Variants in SPATA32 observed in about 807,000 individuals in gnomAD.
SPATA32 encodes spermatogenesis-associated protein 32.
A neutral mutation model predicts 35.4 loss-of-function variants in SPATA32; 28 were observed. That is an observed-to-expected ratio of 0.79 (90% confidence interval 0.59 to 1.09). The LOEUF is 1.09. Among genes scored for constraint, SPATA32 ranks in the 50% least tolerant of loss-of-function variants. The pLI, the probability that SPATA32 is intolerant of heterozygous loss-of-function variation, is 0.00. For missense variants in SPATA32, 409 were observed against 475.9 expected, an observed-to-expected ratio of 0.86 and a Z score of 1.31; for synonymous variants, 168 against 196.3, an observed-to-expected ratio of 0.86 and a Z score of 1.20.
chr17:45,261,697 C>T (rs2044010451), intron 1 of SPATA32: 2 of 377,518 alleles, frequency 5.3e-6, no homozygotes, highest in Admixed American at 4.5e-5. Context: ...AAGGCCATTG[C>T]TCCTTCTGTG....
chr17:45,254,914 G>C, intron 4 of SPATA32: 1 of 619,888 alleles, frequency 1.6e-6, no homozygotes, highest in South Asian at 2.0e-5. Flanking sequence ...TCCAGCCCTC[G>C]CCTTGGCTCT....
chr17:45,260,795 G>A (rs1432934870), intron 1 of SPATA32: 3 of 152,100 alleles, frequency 2.0e-5, no homozygotes, highest in Admixed American at 1.3e-4. Context: ...ACTTGTCTCC[G>A]GTTACCCCCA....
rs2043955755 is a variant in SPATA32, at chr17:45,256,209, G to A, written c.109-136C>T. On this transcript the variant is annotated intron_variant, in intron 3 of 4. Transcript: ENST00000331780. The surrounding 1 kb of genome is among the most constrained non-coding windows in gnomAD (Gnocchi z 4.7). ...CCCCCCGCCCCCTAACCCCATGCCTGCCTCCTCTCAGAGACCTGCCCGGTG... is the reference window on the plus strand; with the variant it reads ...CCCCCCGCCCCCTAACCCCATGCCTACCTCCTCTCAGAGACCTGCCCGGTG... 2.3e-5 allele frequency: 29 copies of A among 1,243,016 alleles called. No homozygotes were observed. Among genetic ancestry groups the A allele is most frequent in the African/African-American group, 4.4e-5 (3 of 67,502 alleles). 77.0% of individuals were successfully genotyped at this position (1,243,016 alleles called of 1,614,324 possible).
At chr17:45,254,976 G>A in intron 4 of SPATA32, 139 bp downstream of exon 4, 1 of 795,196 alleles carries the variant, frequency 1.3e-6, no homozygotes. Context: ...AGGTCACTGA[G>A]GTGGAGGCGT....
At chr17:45,261,941 CCT>C in intron 1 of SPATA32, 61 bp downstream of exon 1, 1 of 1,297,578 alleles carries the variant, frequency 7.7e-7, no homozygotes, top group African/African-American at 1.5e-5. Flanking sequence ...CGCCCCTCCC[CCT>C]CTCACTTTCG....
Position 45,255,068 on chromosome 17 carries a change from T to G in SPATA32, c.1067+47A>C. On this transcript the variant is annotated intron_variant, in intron 4 of 4. Transcript: ENST00000331780. The surrounding 1 kb of genome is among the most constrained non-coding windows in gnomAD (Gnocchi z 5.4). ...CAGCTGTGTGAGGACCCCTGCCACG[T>G]TCTAGCACAGCCCCTCTATGGGAGC... The G allele has an allele frequency of 6.3e-7, 1 of 1,585,840 alleles. No individual in the cohort carries two copies. The highest frequency in any genetic ancestry group is 8.6e-7 in the Non-Finnish European group (1 of 1,157,496).
rs113362870 is a variant in SPATA32, at chr17:45,254,532, A to G, written c.1068-19T>C. The stretch of plus-strand genomic sequence containing the variant: ...CACTGAGCTGCAACACAAAAGAGAG[A>G]GTGTCACTTGGGCCCCAGAGGGTGG... On this transcript the variant is annotated intron_variant, in intron 4 of 4. Coordinates refer to ENST00000331780, the MANE Select transcript of SPATA32 (RefSeq NM_152343.3). 317 of 1,613,114 alleles carry G rather than the reference A, an allele frequency of 2.0e-4. 2 individuals are homozygous for G. The African/African-American group carries it at 3.5e-3, about 18-fold the overall frequency.
At chr17:45,260,892 CT>C (rs1293447450) in intron 1 of SPATA32, 1 of 152,244 alleles carries the variant, frequency 6.6e-6, no homozygotes, top group Non-Finnish European at 1.5e-5. Context: ...TAAGCCGAAG[CT>C]ACCCCCAGAG....
chr17:45,255,230 C>T lies in SPATA32; in HGVS notation c.952G>A (p.Ala318Thr), dbSNP rs768508618. Residue 318 changes from alanine (A) to threonine (T), a missense_variant, in exon 4 of 5, where the codon GCT becomes ACT. Coordinates refer to ENST00000331780, the MANE Select transcript of SPATA32 (RefSeq NM_152343.3). This position sits in a 1 kb window ranked among gnomAD's most constrained non-coding sequence, Gnocchi z 5.4. ...TTGCTGAAGTCAAAGTAAGATTGAG[C>T]GAAGTTCTTGTCTTCCTGACTCCAA... ...KSWSQEDKNF[A>T]QSYFDFSKPG... 16 of 1,614,168 alleles carry T rather than the reference C, an allele frequency of 9.9e-6. No homozygotes were observed. The highest frequency in any genetic ancestry group is 6.7e-5 in the Admixed American group (4 of 60,028).
chr17:45,256,563 T>C lies in SPATA32; in HGVS notation c.69-148A>G. 1 of 693,728 alleles carries C rather than the reference T, an allele frequency of 1.4e-6. No individual in the cohort carries two copies. Among genetic ancestry groups the C allele is most frequent in the East Asian group, 2.6e-5 (1 of 39,116 alleles). 43.0% of individuals were successfully genotyped at this position (693,728 alleles called of 1,614,324 possible). The stretch of plus-strand genomic sequence containing the variant: ...ACCACCCCGCCACCAGCTCATCCAC[T>C]CCCCTGCTGTCCCACTCCACTGCCA... On this transcript the variant is annotated intron_variant, in intron 2 of 4. Transcript: ENST00000331780. This position sits in a 1 kb window ranked among gnomAD's most constrained non-coding sequence, Gnocchi z 4.7.
chr17:45,261,978 G>T, intron 1 of SPATA32, 26 bp downstream of exon 1: 1 of 1,310,524 alleles, frequency 7.6e-7, no homozygotes. Flanking sequence ...CCCAACCCTC[G>T]CCCCCGGGCG....
chr17:45,255,984 G>C lies in SPATA32; in HGVS notation c.198C>G (p.Ile66Met). The C allele has an allele frequency of 6.2e-7, 1 of 1,614,090 alleles. No homozygotes were observed. The highest frequency in any genetic ancestry group is 1.3e-5 in the African/African-American group (1 of 75,030). ...ACTCCAGTAAAGCCGGCACCTGTCC[G>C]ATCTCCAGTTCTGGGTCTGGGTCTG... ...PDPDPDPELE[I>M]GQVPALLESE... The change falls in exon 4 of 5, where the codon ATC becomes ATG. Residue 66 changes from isoleucine to methionine, a missense_variant. Coordinates refer to ENST00000331780, the MANE Select transcript of SPATA32 (RefSeq NM_152343.3). This position sits in a 1 kb window ranked among gnomAD's most constrained non-coding sequence, Gnocchi z 5.4.
rs2043936118 is a variant in SPATA32, at chr17:45,254,418, C to T, written c.*8G>A. 6.2e-7 allele frequency: 1 copy of T among 1,613,636 alleles called. No homozygotes were observed. The highest frequency in any genetic ancestry group is 1.3e-5 in the African/African-American group (1 of 74,914). ...GCCAGCACTGGAGGCTTTATTGGTT[C>T]TGTCTAGTCATTTCTCTGGGATTGT... On this transcript the variant is annotated 3_prime_UTR_variant, in exon 5 of 5. Transcript: ENST00000331780.
At chr17:45,259,870 T>A (rs1377901010) in intron 1 of SPATA32, 1 of 152,158 alleles carries the variant, frequency 6.6e-6, no homozygotes, top group Non-Finnish European at 1.5e-5. Context: ...GGGATAAACC[T>A]CATTTGGTTG....
Position 45,256,278 on chromosome 17 carries a change from G to T in SPATA32, c.108+98C>A. 7.5e-7 allele frequency: 1 copy of T among 1,330,106 alleles called. No individual in the cohort carries two copies. Among genetic ancestry groups the T allele is most frequent in the Non-Finnish European group, 1.1e-6 (1 of 921,950 alleles). The allele number at this position is 1,330,106 out of a possible 1,614,324, so 82.4% of individuals were successfully genotyped here. ...TGTACCCACACCGGCCTGGTACTAG[G>T]GTCCCAGGATTGTCAAGGGTAGGGG... On this transcript the variant is annotated intron_variant, in intron 3 of 4. Coordinates refer to ENST00000331780, the MANE Select transcript of SPATA32 (RefSeq NM_152343.3). This position sits in a 1 kb window ranked among gnomAD's most constrained non-coding sequence, Gnocchi z 4.7.
rs1463495406 is a variant in SPATA32, at chr17:45,262,034, C to T, written c.-18G>A. On this transcript the variant is annotated 5_prime_UTR_variant, in exon 1 of 5. Transcript: ENST00000331780. ...ACCCCCATGCAGACCGAGGCTCTGT[C>T]CTGGAGGCGGGGAGCGGGCTGGTGG... 2.3e-6 allele frequency: 3 copies of T among 1,311,256 alleles called. No individual in the cohort carries two copies. Among genetic ancestry groups the T allele is most frequent in the Admixed American group, 3.1e-5 (1 of 32,736 alleles). 81.2% of individuals were successfully genotyped at this position (1,311,256 alleles called of 1,614,324 possible).
Position 45,262,030 on chromosome 17 carries a change from C to T in SPATA32, c.-14G>A. The T allele has an allele frequency of 7.6e-7, 1 of 1,311,822 alleles. No homozygotes were observed. The highest frequency in any genetic ancestry group is 9.8e-7 in the Non-Finnish European group (1 of 1,021,574). 81.3% of individuals were successfully genotyped at this position (1,311,822 alleles called of 1,614,324 possible). A position where few individuals can be genotyped will look rare whatever the true frequency, so the allele number is the denominator to read the frequency against. On this transcript the variant is annotated 5_prime_UTR_variant, in exon 1 of 5. Coordinates refer to ENST00000331780, the MANE Select transcript of SPATA32 (RefSeq NM_152343.3). ...TGTCACCCCCATGCAGACCGAGGCT[C>T]TGTCCTGGAGGCGGGGAGCGGGCTG...
chr17:45,256,332 CGCTT>C lies in SPATA32; in HGVS notation c.108+40_108+43del. On this transcript the variant is annotated intron_variant, in intron 3 of 4. Transcript: ENST00000331780. This position sits in a 1 kb window ranked among gnomAD's most constrained non-coding sequence, Gnocchi z 4.7. The stretch of plus-strand genomic sequence containing the variant: ...GTGGGGACTTAGGGAAGAGCCCTGC[CGCTT>C]GCCTACCACCTCCCCGTAAGAGGAC... The C allele has an allele frequency of 6.3e-7, 1 of 1,595,790 alleles. No homozygotes were observed. Among genetic ancestry groups the C allele is most frequent in the Non-Finnish European group, 8.6e-7 (1 of 1,163,178 alleles).
rs377064997 is a variant in SPATA32, at chr17:45,258,404, T to C, written c.14-1197A>G. Among the ~76,000 whole-genome samples, 180 of 152,228 alleles carry C rather than the reference T, an allele frequency of 1.2e-3. 4 individuals carry two copies. The highest frequency in any genetic ancestry group is 4.2e-3 in the African/African-American group (174 of 41,528). On this transcript the variant is annotated intron_variant, in intron 1 of 4. Coordinates refer to ENST00000331780, the MANE Select transcript of SPATA32 (RefSeq NM_152343.3). The stretch of plus-strand genomic sequence containing the variant: ...CCCCAGGCTTCTGACCTCAGGGCCT[T>C]TGCTCCCTTTACAGAATTTCCCTGG...
Sources: allele counts gnomAD v4.1 joint callset (sites outside exome capture counted in the v4.1 genomes callset), GRCh38; gene constraint gnomAD v4.1.1; non-coding constraint Gnocchi (gnomAD v3.1); transcripts MANE v1.5; gene names NCBI Gene and HGNC (gene_info 2026-07-23, HGNC 2026-07-21).